The following DPP10 variants were observed in gnomAD, a reference collection of about 807,000 sequenced individuals.
The protein encoded by DPP10 is dipeptidyl peptidase like 10.
In DPP10, 33 loss-of-function variants were observed where a neutral mutation model predicts 120.9. The observed-to-expected ratio is 0.27, with a 90% confidence interval of 0.21 to 0.37. DPP10 has a LOEUF of 0.37. Ranked by LOEUF, DPP10 falls within the 10% of genes least tolerant of loss-of-function variation. The pLI, the probability that DPP10 is intolerant of heterozygous loss-of-function variation, is 1.00. For missense variants in DPP10, 816 were observed against 942.8 expected (o/e 0.87, Z 1.76); for synonymous variants, 337 against 326.1 (o/e 1.03, Z -0.36).
chr2:114,952,377 C>T (rs1697859449), intron 1 of DPP10, among the ~76,000 whole-genome samples: 1 of 152,090 alleles, frequency 6.6e-6, no homozygotes, highest in African/African-American at 2.4e-5. Context: ...GTAAACATTC[C>T]TATATTGTTT....
At chr2:115,124,662 C>T (rs907409159) in intron 1 of DPP10, among the ~76,000 whole-genome samples, 3 of 152,142 alleles carry the variant, frequency 2.0e-5, no homozygotes, top group Non-Finnish European at 4.4e-5. Flanking sequence ...AGAATTATAG[C>T]CAATTAGTTA....
chr2:115,306,241 A>G (rs181594406), intron 1 of DPP10, among the ~76,000 whole-genome samples: 25 of 152,142 alleles, frequency 1.6e-4, no homozygotes, highest in Admixed American at 1.0e-3. Flanking sequence ...TTGCATAACT[A>G]GGAGAAATTC....
intron 5 of DPP10, among the ~76,000 whole-genome samples, chr2:115,655,974 G>GA (rs1049578864): frequency 1.3e-5 from 2 of 151,332 alleles, no homozygotes; most frequent in South Asian, 2.1e-4. Context: ...TGCGTGAGGA[G>GA]AAAATGGAAA....
intron 1 of DPP10, among the ~76,000 whole-genome samples, chr2:114,735,713 G>C (rs1324274711): frequency 6.6e-6 from 1 of 152,002 alleles, no homozygotes; most frequent in Non-Finnish European, 1.5e-5. Flanking sequence ...CATTTGAGTT[G>C]CCAGACGTAA....
At chr2:115,255,944 C>T (rs755879990) in intron 1 of DPP10, among the ~76,000 whole-genome samples, 4 of 152,184 alleles carry the variant, frequency 2.6e-5, no homozygotes, top group Non-Finnish European at 4.4e-5. Flanking sequence ...CCCTCCAAAC[C>T]GTTTTGACCT....
chr2:114,521,251 GACAC>G (rs60539029), intron 1 of DPP10, among the ~76,000 whole-genome samples: 1,588 of 144,598 alleles, frequency 0.011, 23 homozygotes, highest in African/African-American at 0.027. Flanking sequence ...CACATGCACA[GACAC>G]ACACACACAC....
At chr2:115,291,353 C>A (rs940271440) in intron 1 of DPP10, among the ~76,000 whole-genome samples, 5 of 152,014 alleles carry the variant, frequency 3.3e-5, no homozygotes, top group Non-Finnish European at 7.4e-5. Flanking sequence ...GGACTAAATA[C>A]TCAAGGTCAT....
At chr2:114,724,043 G>T (rs1701883797) in intron 1 of DPP10, among the ~76,000 whole-genome samples, 1 of 152,174 alleles carries the variant, frequency 6.6e-6, no homozygotes, top group South Asian at 2.1e-4. Flanking sequence ...TTTTAAATGG[G>T]TTGATGGATG....
intron 1 of DPP10, among the ~76,000 whole-genome samples, chr2:114,925,962 T>C (rs572649930): frequency 1.3e-5 from 2 of 152,252 alleles, no homozygotes; most frequent in Admixed American, 6.5e-5. Flanking sequence ...ATGTCCCAGG[T>C]ACAGAGATTA....
chr2:115,709,678 G>A (rs574073250), intron 7 of DPP10, among the ~76,000 whole-genome samples: 1 of 151,880 alleles, frequency 6.6e-6, no homozygotes, highest in South Asian at 2.1e-4. Flanking sequence ...AGAGAACAGA[G>A]TCTGTGGCAC....
At chr2:115,089,943 T>A (rs2104552775) in intron 1 of DPP10, among the ~76,000 whole-genome samples, 1 of 152,302 alleles carries the variant, frequency 6.6e-6, no homozygotes. Flanking sequence ...AATAGTTTGG[T>A]TCCCTGTGAC....
At chr2:115,779,870 A>T (rs567836095) in intron 15 of DPP10, among the ~76,000 whole-genome samples, 1 of 152,122 alleles carries the variant, frequency 6.6e-6, no homozygotes, top group African/African-American at 2.4e-5. Context: ...TGTTTTGAGT[A>T]TTATAAGGAA....
intron 1 of DPP10, among the ~76,000 whole-genome samples, chr2:115,056,444 T>C (rs955674476): frequency 6.6e-6 from 1 of 152,098 alleles, no homozygotes; most frequent in African/African-American, 2.4e-5. Flanking sequence ...AATGGCACCA[T>C]CATAGCCTGG....
At chr2:115,432,892 T>A (rs2071135733) in intron 3 of DPP10, among the ~76,000 whole-genome samples, 3 of 151,924 alleles carry the variant, frequency 2.0e-5, no homozygotes, top group South Asian at 2.1e-4. Context: ...AAAATGTCAG[T>A]AGTGCCAAGA....
chr2:115,466,992 TTC>T, intron 3 of DPP10, among the ~76,000 whole-genome samples: 1 of 152,276 alleles, frequency 6.6e-6, no homozygotes, highest in Non-Finnish European at 1.5e-5. Flanking sequence ...GACAGTGAAG[TTC>T]CTTAACCCTC....
chr2:115,144,407 T>C (rs1390604708), intron 1 of DPP10: 4 of 152,140 alleles, frequency 2.6e-5, no homozygotes, highest in African/African-American at 9.7e-5. Flanking sequence ...TAACTCTTTT[T>C]ACGTCGAATA....
chr2:115,061,818 A>G (rs1473311713), intron 1 of DPP10, among the ~76,000 whole-genome samples: 2 of 152,192 alleles, frequency 1.3e-5, no homozygotes, highest in Non-Finnish European at 2.9e-5. Flanking sequence ...GAGAATGAGC[A>G]CAGCATGTTG....
intron 1 of DPP10, among the ~76,000 whole-genome samples, chr2:115,173,098 T>C (rs1024175083): frequency 6.6e-6 from 1 of 152,208 alleles, no homozygotes; most frequent in Non-Finnish European, 1.5e-5. Flanking sequence ...TTGTTTTTTT[T>C]CCCTTCCCCA....
At position 114,743,665 on chromosome 2, in the gene DPP10, G is replaced by A. The variant is rs542043624; in HGVS notation, c.60+300827G>A. Among the ~76,000 whole-genome samples, 19 of 152,240 alleles carry A rather than the reference G, an allele frequency of 1.2e-4. 1 individual carries two copies. The highest frequency in any genetic ancestry group is 5.2e-4 in the Admixed American group (8 of 15,298). ...CTGATTGTGTGTTCTCTTTGTGACTGTTTTCTCACCTATAAAATAAAGATT... is the reference window on the plus strand; with the variant it reads ...CTGATTGTGTGTTCTCTTTGTGACTATTTTCTCACCTATAAAATAAAGATT... On this transcript the variant is annotated intron_variant, in intron 1 of 25. Coordinates refer to ENST00000410059, the MANE Select transcript of DPP10 (RefSeq NM_020868.6).
Sources: allele counts gnomAD v4.1 joint callset (sites outside exome capture counted in the v4.1 genomes callset), GRCh38; gene constraint gnomAD v4.1.1; transcripts MANE v1.5; gene names NCBI Gene and HGNC (gene_info 2026-07-23, HGNC 2026-07-21).